AGTPBP1: variants seen among roughly 807,000 people sequenced by gnomAD.
AGTPBP1 encodes cytosolic carboxypeptidase 1.
AGTPBP1 carries 70 observed loss-of-function variants against 143.9 expected under a neutral mutation model. The observed-to-expected ratio is 0.49, with a 90% confidence interval of 0.40 to 0.59. The LOEUF (loss-of-function observed/expected upper bound fraction) is 0.59, where lower values mean the gene tolerates loss of function less well. AGTPBP1 is among the 20% of genes least tolerant of loss of function. The probability of loss-of-function intolerance (pLI) is 0.00; values close to 1 mark genes in which losing one functional copy is unlikely to be tolerated. For missense variants in AGTPBP1, 1,229 were observed against 1,464.5 expected, an observed-to-expected ratio of 0.84 and a Z score of 2.62; for synonymous variants, 463 against 500.2, an observed-to-expected ratio of 0.93 and a Z score of 0.99.
chr9:85,584,460 T>C (rs1409639854), intron 23 of AGTPBP1, among the ~76,000 whole-genome samples: 1 of 152,226 alleles, frequency 6.6e-6, no homozygotes, highest in African/African-American at 2.4e-5. Context: ...AGGTAAATTT[T>C]TGAGACTTTA....
intron 19 of AGTPBP1, among the ~76,000 whole-genome samples, 153 bp downstream of exon 19, chr9:85,592,407 C>T (rs1457965070): frequency 1.3e-5 from 2 of 151,976 alleles, no homozygotes; most frequent in African/African-American, 4.8e-5. Context: ...GAATATTTAA[C>T]TAAACTCAAT....
chr9:85,679,826 C>A, intron 4 of AGTPBP1, among the ~76,000 whole-genome samples: 1 of 152,064 alleles, frequency 6.6e-6, no homozygotes, highest in Non-Finnish European at 1.5e-5. Flanking sequence ...ATAGTTGAAT[C>A]TATCAATCTT....
intron 3 of AGTPBP1, among the ~76,000 whole-genome samples, chr9:85,689,925 A>AAAAAATAAAT (rs58719163): frequency 1.4e-5 from 1 of 72,498 alleles, no homozygotes; most frequent in African/African-American, 6.9e-5. Context: ...AAAAAAAAAA[A>AAAAAATAAAT]ATATATATAT....
At chr9:85,639,394 CACACAT>C (rs2133791952) in intron 13 of AGTPBP1, among the ~76,000 whole-genome samples, 1 of 151,904 alleles carries the variant, frequency 6.6e-6, no homozygotes, top group East Asian at 1.9e-4. Context: ...CACACACACA[CACACAT>C]ATGAAAAGAA....
the AGTPBP1 span, among the ~76,000 whole-genome samples, chr9:85,800,807 TTGTGTGTGTGTGTGTGTGTG>T: frequency 3.5e-5 from 5 of 144,606 alleles, no homozygotes; most frequent in Admixed American, 3.5e-4. Context: ...TTTAGAATGG[TTGTGTGTGTGTGTGTGTGTG>T]TGTGTGTGTG....
intron 1 of AGTPBP1, among the ~76,000 whole-genome samples, chr9:85,729,217 G>A (rs756866283): frequency 3.3e-5 from 5 of 152,130 alleles, no homozygotes; most frequent in African/African-American, 4.8e-5. Context: ...GAATGAAGCA[G>A]CATTACTCAC....
At chr9:85,670,558 C>A (rs560405552) in intron 7 of AGTPBP1, among the ~76,000 whole-genome samples, 1 of 152,158 alleles carries the variant, frequency 6.6e-6, no homozygotes, top group African/African-American at 2.4e-5. Flanking sequence ...TAATTCTGAA[C>A]AGATGTTATT....
intron 2 of AGTPBP1, among the ~76,000 whole-genome samples, chr9:85,698,392 C>T (rs9987790): frequency 0.5 from 76,488 of 151,962 alleles, 21,958 homozygotes; most frequent in East Asian, 0.87. Context: ...TTTTTATTTT[C>T]ATCTACAGAA....
chr9:85,604,009 G>A (rs950014667), intron 17 of AGTPBP1, among the ~76,000 whole-genome samples: 2 of 152,218 alleles, frequency 1.3e-5, no homozygotes, highest in Non-Finnish European at 2.9e-5. Context: ...CCCGACTCTA[G>A]GCCCTGAATG....
At chr9:85,552,862 G>A (rs1379282414) in intron 25 of AGTPBP1, among the ~76,000 whole-genome samples, 1 of 152,140 alleles carries the variant, frequency 6.6e-6, no homozygotes, top group African/African-American at 2.4e-5. Flanking sequence ...AATATCATGG[G>A]GGAAAATTTT....
At chr9:85,571,853 T>TA (rs1341457352) in intron 25 of AGTPBP1, among the ~76,000 whole-genome samples, 1 of 152,060 alleles carries the variant, frequency 6.6e-6, no homozygotes, top group Admixed American at 6.6e-5. Flanking sequence ...CAGAAGTATG[T>TA]AAAAAATTCA....
At chr9:85,706,749 G>A (rs1449127749) in intron 2 of AGTPBP1, among the ~76,000 whole-genome samples, 7 of 151,670 alleles carry the variant, frequency 4.6e-5, no homozygotes, top group East Asian at 1.9e-4. Flanking sequence ...GGTGGCAGGC[G>A]CCTGCAATCC....
intron 1 of AGTPBP1, among the ~76,000 whole-genome samples, chr9:85,736,157 G>A (rs144855014): frequency 0.022 from 3,337 of 152,134 alleles, 36 homozygotes; most frequent in South Asian, 0.035. Context: ...ATGTACTACC[G>A]GGTCTGATTT....
At chr9:85,769,976 A>T in the AGTPBP1 span, among the ~76,000 whole-genome samples, 307 of 152,214 alleles carry the variant, frequency 2.0e-3, 2 homozygotes, top group Non-Finnish European at 3.7e-3. Flanking sequence ...TAACCTTGGA[A>T]CATTTCAGAA....
At chr9:85,673,739 G>C (rs957655616) in intron 6 of AGTPBP1, among the ~76,000 whole-genome samples, 1 of 152,044 alleles carries the variant, frequency 6.6e-6, no homozygotes, top group Non-Finnish European at 1.5e-5. Flanking sequence ...TATATTAAAT[G>C]CCCAGACTTC....
intron 2 of AGTPBP1, among the ~76,000 whole-genome samples, chr9:85,696,459 AG>A (rs879592026): frequency 2.9e-4 from 44 of 152,022 alleles, no homozygotes; most frequent in Non-Finnish European, 6.0e-4. Flanking sequence ...CTTGAGGTCG[AG>A]AGCTCGAGAC....
chr9:85,774,734 T>C, the AGTPBP1 span, among the ~76,000 whole-genome samples: 2 of 152,174 alleles, frequency 1.3e-5, no homozygotes, highest in East Asian at 3.9e-4. Flanking sequence ...TAGCTGAAAA[T>C]AGATCAAAAG....
intron 1 of AGTPBP1, among the ~76,000 whole-genome samples, chr9:85,740,992 C>T (rs1430227844): frequency 6.6e-6 from 1 of 152,176 alleles, no homozygotes; most frequent in African/African-American, 2.4e-5. Context: ...ACTCCAATTG[C>T]CCTGGTGCTC....
intron 1 of AGTPBP1, among the ~76,000 whole-genome samples, chr9:85,715,090 T>C (rs1428445511): frequency 2.6e-5 from 4 of 151,604 alleles, no homozygotes; most frequent in Non-Finnish European, 5.9e-5. Flanking sequence ...CTATCAAAAA[T>C]ACAAAAATTA....
Sources: gnomAD v4.1 joint callset for allele counts (sites outside exome capture counted in the v4.1 genomes callset) on GRCh38, gnomAD v4.1.1 for gene constraint, MANE v1.5 for transcripts, NCBI Gene and HGNC (gene_info 2026-07-23, HGNC 2026-07-21) for gene names.